Variants in TRIQK observed in about 807,000 individuals in gnomAD.
TRIQK encodes the protein triple QxxK/R motif containing.
TRIQK carries 10 observed loss-of-function variants against 10.8 expected under a neutral mutation model. The observed-to-expected ratio is 0.92, with a 90% CI of 0.57 to 1.57. TRIQK has a LOEUF of 1.57. Ranked by LOEUF, TRIQK falls within the 40% of genes most tolerant of loss-of-function variation. The pLI, the probability that TRIQK is intolerant of heterozygous loss-of-function variation, is 0.00. For synonymous variants in TRIQK, 33 were observed against 33.7 expected (o/e 0.98, Z 0.07); for missense variants, 107 against 97.7 (o/e 1.09, Z -0.40).
chr8:92,954,358 C>A (rs1812065391), intron 2 of TRIQK, 48 bp downstream of exon 2: 1 of 151,836 alleles, frequency 6.6e-6, no homozygotes, highest in Non-Finnish European at 1.5e-5. Context: ...AGAAAACAAA[C>A]CACAAATCAA....
intron 1 of TRIQK, chr8:92,960,600 AC>A (rs1187375295): frequency 6.6e-6 from 1 of 152,146 alleles, no homozygotes; most frequent in Admixed American, 6.5e-5. Context: ...AAAGTAGATA[AC>A]CCTTCCAGAT....
chr8:92,972,145 T>C (rs1476703496), intron 1 of TRIQK, among the ~76,000 whole-genome samples: 3 of 152,192 alleles, frequency 2.0e-5, no homozygotes, highest in Non-Finnish European at 4.4e-5. Flanking sequence ...ATTTAAGCTA[T>C]CTATGCCTTT....
At chr8:92,957,511 T>A (rs973284026) in intron 1 of TRIQK, among the ~76,000 whole-genome samples, 7 of 151,910 alleles carry the variant, frequency 4.6e-5, no homozygotes, top group African/African-American at 1.7e-4. Context: ...ATGTTTTCAG[T>A]TAAATTTTAC....
chr8:92,931,390 A>T (rs1238197050), intron 2 of TRIQK, among the ~76,000 whole-genome samples: 3 of 152,126 alleles, frequency 2.0e-5, no homozygotes, highest in Non-Finnish European at 4.4e-5. Context: ...ACCTTTTCTG[A>T]GTCTCTACAT....
intron 1 of TRIQK, among the ~76,000 whole-genome samples, chr8:92,988,267 C>T (rs1173265121): frequency 6.6e-6 from 1 of 151,942 alleles, no homozygotes; most frequent in African/African-American, 2.4e-5. Context: ...CCACCCGCCT[C>T]GGCCTCCCAA....
At chr8:93,005,686 T>C (rs1325920933) in intron 1 of TRIQK, among the ~76,000 whole-genome samples, 1 of 152,176 alleles carries the variant, frequency 6.6e-6, no homozygotes, top group African/African-American at 2.4e-5. Flanking sequence ...ATATACAGAA[T>C]GTGGGAAAAT....
rs575045302 is a variant in TRIQK at position 92,934,358 on chromosome 8, C to T, written c.-21-17348G>A. Among the ~76,000 whole-genome samples the T allele has an allele frequency of 1.3e-4, 20 of 151,608 alleles. 1 individual carries two copies. Among genetic ancestry groups the T allele is most frequent in the African/African-American group, 4.8e-4 (20 of 41,404 alleles). On this transcript the variant is annotated intron_variant, in intron 2 of 4. Coordinates refer to ENST00000521988, the MANE Select transcript of TRIQK (RefSeq NM_001171797.2). ...AGGCTAAGGGTAATTATTTTCATGC[C>T]GAGAAACACATCCTTAAATATTAAG...
intron 1 of TRIQK, among the ~76,000 whole-genome samples, chr8:92,986,255 C>T (rs1813029206): frequency 6.6e-6 from 1 of 151,964 alleles, no homozygotes; most frequent in Non-Finnish European, 1.5e-5. Flanking sequence ...AAAGGCACCA[C>T]ATTATTTTGC....
At chr8:92,967,529 A>T (rs2130734442), upstream of TRIQK, among the ~76,000 whole-genome samples, 1 of 152,244 alleles carries the variant, frequency 6.6e-6, no homozygotes, top group Non-Finnish European at 1.5e-5. Context: ...TCTTTTAAAA[A>T]TATTTGGTTT....
intron 1 of TRIQK, among the ~76,000 whole-genome samples, chr8:92,983,927 C>A (rs1254430187): frequency 6.6e-6 from 1 of 152,066 alleles, no homozygotes; most frequent in Non-Finnish European, 1.5e-5. Flanking sequence ...TTCAGCTCAA[C>A]AGGTTTTAGT....
At chr8:92,899,835 T>G (rs1808825043) in intron 3 of TRIQK, among the ~76,000 whole-genome samples, 1 of 152,196 alleles carries the variant, frequency 6.6e-6, no homozygotes, top group Admixed American at 6.5e-5. Context: ...CAAACCGTTT[T>G]CAATAGTGGT....
intron 3 of TRIQK, among the ~76,000 whole-genome samples, chr8:92,899,312 A>C (rs2130329623): frequency 6.6e-6 from 1 of 151,986 alleles, no homozygotes; most frequent in South Asian, 2.1e-4. Context: ...ATGTACAATA[A>C]GTTTTATCAA....
rs933160658 is a variant in TRIQK at position 92,917,742 on chromosome 8, ACTTCT to A, written c.-21-737_-21-733del. 6.8e-4 allele frequency among the ~76,000 whole-genome samples: 104 copies of A among 152,110 alleles called. 1 individual carries two copies. The highest frequency in any genetic ancestry group is 2.1e-3 in the African/African-American group (88 of 41,530). ...TTCTTTGTGTTGGGAGCAAAACAAA[ACTTCT>A]CTTCTAAGTATTTAGAAATACATAA... On this transcript the variant is annotated intron_variant, in intron 2 of 4. Coordinates refer to ENST00000521988, the MANE Select transcript of TRIQK (RefSeq NM_001171797.2).
At chr8:92,911,675 G>A (rs575716491) in intron 3 of TRIQK, among the ~76,000 whole-genome samples, 67 of 151,236 alleles carry the variant, frequency 4.4e-4, no homozygotes, top group African/African-American at 1.6e-3. Context: ...TGTTACAAGA[G>A]ATGAAGAAGG....
chr8:92,903,818 T>A (rs1299043663), intron 3 of TRIQK, among the ~76,000 whole-genome samples: 1 of 152,078 alleles, frequency 6.6e-6, no homozygotes, highest in Non-Finnish European at 1.5e-5. Flanking sequence ...ATGAAACAGG[T>A]CAAGTGCCTG....
At chr8:92,891,724 A>AC (rs1219115101) in intron 4 of TRIQK, among the ~76,000 whole-genome samples, 46 of 152,058 alleles carry the variant, frequency 3.0e-4, no homozygotes, top group African/African-American at 1.1e-3. Context: ...TGAATAATAC[A>AC]CATAGTAGCT....
chr8:92,907,852 A>G (rs1809362003), intron 3 of TRIQK, among the ~76,000 whole-genome samples: 2 of 152,164 alleles, frequency 1.3e-5, no homozygotes, highest in Admixed American at 1.3e-4. Flanking sequence ...AGCTACTAAA[A>G]CAAATATTAA....
At chr8:92,994,480 A>G (rs1233891252) in intron 1 of TRIQK, among the ~76,000 whole-genome samples, 1 of 152,112 alleles carries the variant, frequency 6.6e-6, no homozygotes, top group African/African-American at 2.4e-5. Flanking sequence ...CTGCTGCACT[A>G]ATAGAAAAAA....
chr8:92,921,007 A>T (rs1294416401), intron 2 of TRIQK, among the ~76,000 whole-genome samples: 1 of 151,704 alleles, frequency 6.6e-6, no homozygotes, highest in Non-Finnish European at 1.5e-5. Context: ...AGTATAGTGG[A>T]TCTTCTCAGT....
Sources: gnomAD v4.1 joint callset for allele counts (sites outside exome capture counted in the v4.1 genomes callset) on GRCh38, gnomAD v4.1.1 for gene constraint, MANE v1.5 for transcripts, NCBI Gene and HGNC (gene_info 2026-07-23, HGNC 2026-07-21) for gene names.